Variants in OGDH observed in about 807,000 individuals in gnomAD.
OGDH encodes the protein oxoglutarate dehydrogenase, also known as 2-oxoglutarate dehydrogenase complex component E1.
In OGDH, 38 loss-of-function variants were observed where a neutral mutation model predicts 116.6. The observed-to-expected ratio is 0.33, with a 90% CI of 0.25 to 0.43. OGDH has a LOEUF of 0.43. Ranked by LOEUF, OGDH falls within the 20% of genes least tolerant of loss-of-function variation. The probability of loss-of-function intolerance (pLI) is 1.00; values close to 1 mark genes in which losing one functional copy is unlikely to be tolerated. For missense variants in OGDH, 825 were observed against 1,357.2 expected (o/e 0.61, Z 6.16); for synonymous variants, 488 against 533.3 (o/e 0.92, Z 1.17).
intron 1 of OGDH, 110 bp from the exon 2 acceptor site, chr7:44,624,207 T>TA (rs1414341567): frequency 1.3e-4 from 96 of 732,604 alleles, no homozygotes; most frequent in Non-Finnish European, 1.7e-4. Flanking sequence ...TAGTAGCTTT[T>TA]AAAAAAAAAT....
intron 1 of OGDH, among the ~76,000 whole-genome samples, chr7:44,608,746 C>G (rs1332807376): frequency 6.6e-6 from 1 of 151,878 alleles, no homozygotes; most frequent in African/African-American, 2.4e-5. Flanking sequence ...GAAAAAACTA[C>G]AGTATCATCT....
intron 5 of OGDH, 87 bp downstream of exon 5, chr7:44,666,938 T>G: frequency 1.3e-6 from 1 of 763,506 alleles, no homozygotes; most frequent in Admixed American, 2.9e-5. Flanking sequence ...ATTTTTTTTC[T>G]TTGTCCTATC....
chr7:44,664,785 G>T (rs908304395), intron 4 of OGDH, among the ~76,000 whole-genome samples: 2 of 152,164 alleles, frequency 1.3e-5, no homozygotes, highest in Non-Finnish European at 2.9e-5. Context: ...TATAGATCTA[G>T]TTTCTCAAAT....
intron 3 of OGDH, among the ~76,000 whole-genome samples, 155 bp downstream of exon 3, chr7:44,645,673 A>T (rs890722325): frequency 1.3e-5 from 2 of 152,204 alleles, no homozygotes; most frequent in Non-Finnish European, 1.5e-5. Context: ...AGGCTAAAAA[A>T]CAAATACACA....
intron 1 of OGDH, among the ~76,000 whole-genome samples, chr7:44,606,937 C>T (rs1422205543): frequency 6.6e-6 from 1 of 151,966 alleles, no homozygotes; most frequent in Admixed American, 6.6e-5. Context: ...CGCGGAGCGA[C>T]GCGCCATTGG....
intron 2 of OGDH, among the ~76,000 whole-genome samples, chr7:44,626,298 C>CCCCT (rs1401807692): frequency 4.1e-5 from 6 of 146,348 alleles, no homozygotes; most frequent in African/African-American, 1.6e-4. Flanking sequence ...TTCACACACA[C>CCCCT]ACACCCCTAC....
Position 44,707,144 on chromosome 7 carries a change from C to G in OGDH, c.2633-81C>G. On this transcript the variant is annotated intron_variant, in intron 20 of 22. Transcript: ENST00000222673. This position sits in a 1 kb window ranked among gnomAD's most constrained non-coding sequence, Gnocchi z 5.2. ...GAAAGCTGCGTCTCCTGGCAGCAGT[C>G]CCTGGCACAGCCCTGGGCCCAGGAG... 1 of 1,471,442 alleles carries G rather than the reference C, an allele frequency of 6.8e-7. No homozygotes were observed. Among genetic ancestry groups the G allele is most frequent in the Non-Finnish European group, 9.3e-7 (1 of 1,075,372 alleles). The allele number at this position is 1,471,442 out of a possible 1,614,324, so 91.1% of individuals were successfully genotyped here.
intron 2 of OGDH, among the ~76,000 whole-genome samples, chr7:44,626,200 C>T (rs1330374227): frequency 6.7e-6 from 1 of 148,730 alleles, no homozygotes; most frequent in Non-Finnish European, 1.5e-5. Flanking sequence ...ACAAATTGCC[C>T]AGAAGAAGTG....
At chr7:44,699,125 T>C (rs1449243234) in intron 18 of OGDH, among the ~76,000 whole-genome samples, 2 of 135,012 alleles carry the variant, frequency 1.5e-5, no homozygotes, top group African/African-American at 5.8e-5. Flanking sequence ...CCTGGGCAGC[T>C]CCGTCTCACA....
intron 4 of OGDH, among the ~76,000 whole-genome samples, chr7:44,660,745 G>A (rs929100662): frequency 6.6e-6 from 1 of 152,050 alleles, no homozygotes; most frequent in Admixed American, 6.6e-5. Flanking sequence ...GCAACATAGC[G>A]AGACCCCTGT....
intron 1 of OGDH, among the ~76,000 whole-genome samples, chr7:44,617,690 A>C (rs980165271): frequency 6.6e-6 from 1 of 152,238 alleles, no homozygotes; most frequent in African/African-American, 2.4e-5. Flanking sequence ...AAATGTGTTC[A>C]TGATTCATCA....
chr7:44,663,939 CAA>C (rs753085347), intron 4 of OGDH, among the ~76,000 whole-genome samples: 25 of 117,592 alleles, frequency 2.1e-4, no homozygotes, highest in African/African-American at 1.6e-4. Context: ...GACCCTGTCT[CAA>C]AAAAAAAAAA....
At chr7:44,663,375 C>T (rs185540937) in intron 4 of OGDH, among the ~76,000 whole-genome samples, 6 of 152,328 alleles carry the variant, frequency 3.9e-5, no homozygotes, top group African/African-American at 9.6e-5. Flanking sequence ...CAGTGGCTTA[C>T]GCCTGTAAGC....
chr7:44,672,181 G>A (rs765704550), intron 5 of OGDH, among the ~76,000 whole-genome samples: 3 of 152,078 alleles, frequency 2.0e-5, no homozygotes, highest in Non-Finnish European at 4.4e-5. Flanking sequence ...TGTTGACTTG[G>A]ATAATAACTA....
At chr7:44,658,992 A>G (rs948379412) in intron 4 of OGDH, among the ~76,000 whole-genome samples, 21 of 152,092 alleles carry the variant, frequency 1.4e-4, no homozygotes, top group African/African-American at 5.1e-4. Context: ...GTGCACCACC[A>G]CGCCCAGCTA....
intron 10 of OGDH, among the ~76,000 whole-genome samples, chr7:44,682,228 A>G (rs1787956482): frequency 6.6e-6 from 1 of 151,644 alleles, no homozygotes; most frequent in Non-Finnish European, 1.5e-5. Flanking sequence ...CGTCTCTGCT[A>G]AAAATACAAA....
intron 1 of OGDH, among the ~76,000 whole-genome samples, chr7:44,608,392 AGT>A (rs565620823): frequency 3.7e-4 from 54 of 144,482 alleles, no homozygotes; most frequent in African/African-American, 1.2e-3. Flanking sequence ...TGGGTGACAC[AGT>A]GAGATCCTGT....
chr7:44,664,038 T>G lies in OGDH; in HGVS notation c.518-2698T>G, dbSNP rs184037098. Among the ~76,000 whole-genome samples, 410 of 152,348 alleles carry G rather than the reference T, an allele frequency of 2.7e-3. 2 individuals carry two copies. Among genetic ancestry groups the G allele is most frequent in the Admixed American group, 5.1e-3 (78 of 15,310 alleles). Reference sequence around the variant, plus strand: ...ATCATGGTGTTGATGTCTGTTGATTTTCTTTTCTCATTCACTATGAGATAT... The same window carrying G: ...ATCATGGTGTTGATGTCTGTTGATTGTCTTTTCTCATTCACTATGAGATAT... On this transcript the variant is annotated intron_variant, in intron 4 of 22. Transcript: ENST00000222673.
intron 1 of OGDH, among the ~76,000 whole-genome samples, chr7:44,607,262 T>C (rs73109403): frequency 0.029 from 4,410 of 152,342 alleles, 110 homozygotes; most frequent in Admixed American, 0.069. Context: ...TCGAACAGAT[T>C]GACCGAGATG....
Sources: allele counts gnomAD v4.1 joint callset (sites outside exome capture counted in the v4.1 genomes callset), GRCh38; gene constraint gnomAD v4.1.1; non-coding constraint Gnocchi (gnomAD v3.1); transcripts MANE v1.5; gene names NCBI Gene and HGNC (gene_info 2026-07-23, HGNC 2026-07-21).